The following OR52K1 variants were observed in gnomAD, a reference collection of about 807,000 sequenced individuals.
The protein encoded by OR52K1 is olfactory receptor 52K1.
A neutral mutation model predicts 8.7 loss-of-function variants in OR52K1; 10 were observed. That is an observed-to-expected ratio of 1.15 (90% CI 0.71 to 1.95). OR52K1 has a LOEUF of 1.95. Among genes scored for constraint, OR52K1 ranks in the 30% most tolerant of loss-of-function variants. OR52K1 has a pLI of 0.00. For missense variants in OR52K1, 431 were observed against 397.2 expected, an observed-to-expected ratio of 1.08 and a Z score of -0.72; for synonymous variants, 203 against 148.5, an observed-to-expected ratio of 1.37 and a Z score of -2.67.
chr11:4,489,165 T>C lies in OR52K1; in HGVS notation c.265T>C (p.Phe89Leu), dbSNP rs1280376088. The change falls in exon 2 of 2, where the codon TTC becomes CTC. Residue 89 changes from phenylalanine to leucine, a missense_variant. Phe to Leu is a conservative substitution (Grantham distance 22, BLOSUM62 0). Transcript: ENST00000641528. The stretch of plus-strand genomic sequence containing the variant: ...GCCCAAAATGCTTGCCATATTCTGG[T>C]TCAGGGATCAGGAGATCAACTTCTT... ...TLPKMLAIFW[F>L]RDQEINFFAC... 2 of 1,614,246 alleles carry C rather than the reference T, an allele frequency of 1.2e-6. No individual in the cohort carries two copies. The highest frequency in any genetic ancestry group is 1.7e-6 in the Non-Finnish European group (2 of 1,180,042).
rs529579751 is a variant in OR52K1 at position 4,490,323 on chromosome 11, C to T, written c.*478C>T. ...TCCACCCTTTGCCACTCTTTATAGC[C>T]TACTATCTCCCAATTTTATTTCTAC... On this transcript the variant is annotated 3_prime_UTR_variant, in exon 2 of 2. Coordinates refer to ENST00000641528, the MANE Select transcript of OR52K1 (RefSeq NM_001005171.3). 2.2e-4 allele frequency: 34 copies of T among 157,332 alleles called. 2 individuals are homozygous for T. In the South Asian group the frequency reaches 5.0e-3, roughly 23 times the overall value. The allele number at this position is 157,332 out of a possible 1,614,324, so 9.7% of individuals were successfully genotyped here.
At position 4,488,746 on chromosome 11, in the gene OR52K1, G is replaced by A. The variant is rs189717413; in HGVS notation, c.-155G>A. Reference sequence around the variant, plus strand: ...ATACTTCTCCATGTCTATGAAGGCTGCTAGGTTATTTTGTTTAAAGTCTAG... The same window carrying A: ...ATACTTCTCCATGTCTATGAAGGCTACTAGGTTATTTTGTTTAAAGTCTAG... On this transcript the variant is annotated 5_prime_UTR_variant, in exon 2 of 2. Coordinates refer to ENST00000641528, the MANE Select transcript of OR52K1 (RefSeq NM_001005171.3). The A allele has an allele frequency of 6.0e-5, 37 of 619,470 alleles. No individual in the cohort carries two copies. The highest frequency in any genetic ancestry group is 8.9e-5 in the Non-Finnish European group (31 of 349,136). 38.4% of individuals were successfully genotyped at this position (619,470 alleles called of 1,614,324 possible). A position where few individuals can be genotyped will look rare whatever the true frequency, so the allele number is the denominator to read the frequency against.
chr11:4,486,461 G>C (rs1001109723), intron 1 of OR52K1, among the ~76,000 whole-genome samples: 1 of 152,076 alleles, frequency 6.6e-6, no homozygotes, highest in African/African-American at 2.4e-5. Flanking sequence ...TATACCACTG[G>C]CATGAAACTT....
intron 1 of OR52K1, among the ~76,000 whole-genome samples, chr11:4,484,453 C>G (rs984538448): frequency 1.3e-5 from 2 of 152,036 alleles, no homozygotes. Flanking sequence ...TCCAGGATGA[C>G]TTGATTCTAG....
At chr11:4,483,624 CTT>C (rs5789329) in intron 1 of OR52K1, among the ~76,000 whole-genome samples, 1 of 151,882 alleles carries the variant, frequency 6.6e-6, no homozygotes, top group Non-Finnish European at 1.5e-5. Context: ...GAAGAGATGC[CTT>C]TTTTTCTTGT....
At chr11:4,484,825 AACACACAGACACACACACACAC>A (rs762641156) in intron 1 of OR52K1, among the ~76,000 whole-genome samples, 6 of 131,880 alleles carry the variant, frequency 4.5e-5, no homozygotes, top group African/African-American at 8.4e-5. Flanking sequence ...TCTGTTCTAA[AACACACAGACACACACACACAC>A]ACACACACAC....
At chr11:4,488,049 G>C (rs1846334392) in intron 1 of OR52K1, among the ~76,000 whole-genome samples, 1 of 152,214 alleles carries the variant, frequency 6.6e-6, no homozygotes, top group African/African-American at 2.4e-5. Context: ...CTGGAAGACA[G>C]GTGGAGGGAG....
rs551179871 is a variant in OR52K1, at chr11:4,490,299, C to T, written c.*454C>T. The T allele has an allele frequency of 7.0e-4, 114 of 162,320 alleles. 1 individual carries two copies. The highest frequency in any genetic ancestry group is 2.0e-3 in the Admixed American group (36 of 17,966). 10.1% of individuals were successfully genotyped at this position (162,320 alleles called of 1,614,324 possible). A position where few individuals can be genotyped will look rare whatever the true frequency, so the allele number is the denominator to read the frequency against. On this transcript the variant is annotated 3_prime_UTR_variant, in exon 2 of 2. Coordinates refer to ENST00000641528, the MANE Select transcript of OR52K1 (RefSeq NM_001005171.3). ...CCATGTCTTTTCTGACAAGTACCCTCCACCCTTTGCCACTCTTTATAGCCT... is the reference window on the plus strand; with the variant it reads ...CCATGTCTTTTCTGACAAGTACCCTTCACCCTTTGCCACTCTTTATAGCCT...
intron 1 of OR52K1, among the ~76,000 whole-genome samples, chr11:4,485,297 T>C (rs1452224186): frequency 2.0e-5 from 3 of 152,200 alleles, no homozygotes; most frequent in African/African-American, 7.2e-5. Context: ...GGTTCTCTAG[T>C]TCTCTTTTCT....
Position 4,489,110 on chromosome 11 carries a change from C to A in OR52K1, c.210C>A (p.Thr70=). ...PMYLFLAMLA[T]IDLVLSSTTL... ...ACCTCTTTCTGGCCATGTTGGCAAC[C>A]ATTGACTTGGTTCTTTCTTCTACAA... Residue 70 remains threonine (T), a synonymous_variant, in exon 2 of 2, where the codon ACC becomes ACA. Transcript: ENST00000641528. 1 of 1,614,220 alleles carries A rather than the reference C, an allele frequency of 6.2e-7. No individual in the cohort carries two copies.
At position 4,489,937 on chromosome 11, in the gene OR52K1, G is replaced by T. The variant is rs1161311370; in HGVS notation, c.*92G>T. 1.1e-6 allele frequency: 1 copy of T among 894,540 alleles called. No individual in the cohort carries two copies. Among genetic ancestry groups the T allele is most frequent in the African/African-American group, 1.7e-5 (1 of 59,744 alleles). 55.4% of individuals were successfully genotyped at this position (894,540 alleles called of 1,614,324 possible). ...AAAATCTAAATAGGAAAATTGCAGA[G>T]TATCTTTGACAATTCTCTAGTATGA... On this transcript the variant is annotated 3_prime_UTR_variant, in exon 2 of 2. Coordinates refer to ENST00000641528, the MANE Select transcript of OR52K1 (RefSeq NM_001005171.3).
chr11:4,484,137 T>C (rs1846302092), intron 1 of OR52K1, among the ~76,000 whole-genome samples: 1 of 152,208 alleles, frequency 6.6e-6, no homozygotes, highest in Admixed American at 6.5e-5. Flanking sequence ...TCCACACCTA[T>C]GTATGTTAGA....
chr11:4,484,445 C>T (rs1402883604), intron 1 of OR52K1, among the ~76,000 whole-genome samples: 1 of 151,962 alleles, frequency 6.6e-6, no homozygotes, highest in African/African-American at 2.4e-5. Context: ...GAGAAGAATC[C>T]AGGATGACTT....
chr11:4,489,780 T>C lies in OR52K1; in HGVS notation c.880T>C (p.Tyr294His). 1 of 1,614,094 alleles carries C rather than the reference T, an allele frequency of 6.2e-7. No homozygotes were observed. Among genetic ancestry groups the C allele is most frequent in the Non-Finnish European group, 8.5e-7 (1 of 1,179,972 alleles). Residue 294 changes from tyrosine to histidine, a missense_variant, in exon 2 of 2, where the codon TAT (tyrosine) becomes CAT (histidine). Coordinates refer to ENST00000641528, the MANE Select transcript of OR52K1 (RefSeq NM_001005171.3). ...LFPPMVNPII[Y>H]GVKTKQIREY... ...CCCACCCATGGTCAATCCTATCATA[T>C]ATGGAGTCAAGACCAAGCAGATTCG...
chr11:4,493,091 T>G lies in OR52K1; in HGVS notation c.*3246T>G, dbSNP rs1846392961. On this transcript the variant is annotated 3_prime_UTR_variant, in exon 2 of 2. Transcript: ENST00000641528. Reference sequence around the variant, plus strand: ...TTTCTTCTATGCATTTCAAAGACTTTTAGTACTTTCACTTATTCTGCTACT... The same window carrying G: ...TTTCTTCTATGCATTTCAAAGACTTGTAGTACTTTCACTTATTCTGCTACT... The G allele has an allele frequency of 6.6e-6, 1 of 152,380 alleles. No individual in the cohort carries two copies. Among genetic ancestry groups the G allele is most frequent in the East Asian group, 1.9e-4 (1 of 5,194 alleles). The allele number at this position is 152,380 out of a possible 1,614,324, so 9.4% of individuals were successfully genotyped here.
Position 4,488,936 on chromosome 11 carries a change from T to A in OR52K1, c.36T>A (p.Ala12=), listed in dbSNP as rs1286948452. Residue 12 remains alanine, a synonymous_variant, in exon 2 of 2, where the codon GCT becomes GCA. Transcript: ENST00000641528. ...LPSNITSTHP[A]VFLLVGIPGL... Reference sequence around the variant, plus strand: ...CTAATATCACCTCAACACATCCAGCTGTCTTTTTGTTGGTAGGAATTCCTG... The same window carrying A: ...CTAATATCACCTCAACACATCCAGCAGTCTTTTTGTTGGTAGGAATTCCTG... 4.3e-6 allele frequency: 7 copies of A among 1,613,918 alleles called. No homozygotes were observed.
rs893550513 is a variant in OR52K1 at position 4,492,607 on chromosome 11, GTCT to G, written c.*2767_*2769del. The G allele has an allele frequency of 7.9e-5, 12 of 152,294 alleles. No homozygotes were observed. Among genetic ancestry groups the G allele is most frequent in the African/African-American group, 2.6e-4 (11 of 41,558 alleles). 9.4% of individuals were successfully genotyped at this position (152,294 alleles called of 1,614,324 possible). A position where few individuals can be genotyped will look rare whatever the true frequency, so the allele number is the denominator to read the frequency against. ...AGACTGAATATTTAAAGGAAATACA[GTCT>G]TCTTACAGCATATCATAAAATTATT... On this transcript the variant is annotated 3_prime_UTR_variant, in exon 2 of 2. Transcript: ENST00000641528.
rs1053410347 is a variant in OR52K1 at position 4,491,589 on chromosome 11, A to G, written c.*1744A>G. 3.3e-5 allele frequency: 5 copies of G among 152,232 alleles called. No homozygotes were observed. The highest frequency in any genetic ancestry group is 1.2e-4 in the African/African-American group (5 of 41,464). 9.4% of individuals were successfully genotyped at this position (152,232 alleles called of 1,614,324 possible). On this transcript the variant is annotated 3_prime_UTR_variant, in exon 2 of 2. Transcript: ENST00000641528. ...AAATGTGATACATATGCACCATGGAATACTATGCAGCCGTCAAAAAGAATA... is the reference window on the plus strand; with the variant it reads ...AAATGTGATACATATGCACCATGGAGTACTATGCAGCCGTCAAAAAGAATA...
rs1846377560 is a variant in OR52K1, at chr11:4,491,839, G to A, written c.*1994G>A. On this transcript the variant is annotated 3_prime_UTR_variant, in exon 2 of 2. Transcript: ENST00000641528. ...ATCAGGTACTACGCCTAGTACCTAG[G>A]TGATTAAAGAACTTGTACAACAAAC... The A allele has an allele frequency of 6.6e-6, 1 of 152,138 alleles. No individual in the cohort carries two copies. Among genetic ancestry groups the A allele is most frequent in the Non-Finnish European group, 1.5e-5 (1 of 68,020 alleles). The allele number at this position is 152,138 out of a possible 1,614,324, so 9.4% of individuals were successfully genotyped here.
Sources: allele counts gnomAD v4.1 joint callset (sites outside exome capture counted in the v4.1 genomes callset), GRCh38; gene constraint gnomAD v4.1.1; transcripts MANE v1.5; gene names NCBI Gene and HGNC (gene_info 2026-07-23, HGNC 2026-07-21).